Variants in ELL observed in about 807,000 individuals in gnomAD.
The protein encoded by ELL is elongation factor for RNA polymerase II, also known as RNA polymerase II elongation factor ELL.
ELL carries 18 observed loss-of-function variants against 64.0 expected under a neutral mutation model. That is an observed-to-expected ratio of 0.28 (90% CI 0.19 to 0.42). ELL has a LOEUF of 0.42. Among genes scored for constraint, ELL ranks in the 10% least tolerant of loss-of-function variants. The probability of loss-of-function intolerance (pLI) is 1.00; values close to 1 mark genes in which losing one functional copy is unlikely to be tolerated. For missense variants in ELL, 797 were observed against 870.4 expected (o/e 0.92, Z 1.06); for synonymous variants, 399 against 376.2 (o/e 1.06, Z -0.70).
chr19:18,461,942 C>T (rs1043817511), intron 4 of ELL, 90 bp from the exon 5 acceptor site: 28 of 1,498,094 alleles, frequency 1.9e-5, no homozygotes, highest in Non-Finnish European at 2.2e-5. Flanking sequence ...AGGTTTGAGA[C>T]TATAGACAGT....
chr19:18,453,319 T>G (rs1244977860), intron 6 of ELL, among the ~76,000 whole-genome samples: 1 of 152,236 alleles, frequency 6.6e-6, no homozygotes, highest in Non-Finnish European at 1.5e-5. Context: ...TTTCGTGTCC[T>G]TGGAAAAACA....
At chr19:18,503,832 CG>C in intron 1 of ELL, among the ~76,000 whole-genome samples, 1 of 152,242 alleles carries the variant, frequency 6.6e-6, no homozygotes, top group East Asian at 1.9e-4. Context: ...TGAGGGCCCA[CG>C]GGACTGTCAC....
chr19:18,452,223 CCT>C (rs1478330909), intron 6 of ELL, among the ~76,000 whole-genome samples: 2 of 152,158 alleles, frequency 1.3e-5, no homozygotes, highest in African/African-American at 4.8e-5. Context: ...TTATGGGTAT[CCT>C]CTCTGACCCA....
Position 18,449,706 on chromosome 19 carries a change from T to A in ELL, c.1465+771A>T, listed in dbSNP as rs779104231. Reference sequence around the variant, plus strand: ...GCTGGCGCCGAGAGCGAAGTGGCCATCTGCAACTGGCCGCCATCGCCACAT... The same window carrying A: ...GCTGGCGCCGAGAGCGAAGTGGCCAACTGCAACTGGCCGCCATCGCCACAT... On this transcript the variant is annotated intron_variant, in intron 8 of 11. Coordinates refer to ENST00000262809, the MANE Select transcript of ELL (RefSeq NM_006532.4). This position sits in a 1 kb window ranked among gnomAD's most constrained non-coding sequence, Gnocchi z 4.4. 6.6e-6 allele frequency among the ~76,000 whole-genome samples: 1 copy of A among 152,188 alleles called. No homozygotes were observed. Among genetic ancestry groups the A allele is most frequent in the Non-Finnish European group, 1.5e-5 (1 of 68,030 alleles).
intron 10 of ELL, 89 bp from the exon 11 acceptor site, chr19:18,445,357 G>T: frequency 7.8e-7 from 1 of 1,278,984 alleles, no homozygotes; most frequent in Non-Finnish European, 1.1e-6. Flanking sequence ...TCTGAGAAGG[G>T]GGCATGGGAG....
intron 1 of ELL, among the ~76,000 whole-genome samples, chr19:18,502,452 G>A (rs1275296542): frequency 6.6e-6 from 1 of 152,208 alleles, no homozygotes; most frequent in East Asian, 1.9e-4. Context: ...GAACCCAGCA[G>A]TGAGCTCACC....
At chr19:18,444,990 G>C in intron 11 of ELL, 122 bp from the exon 12 acceptor site, 2 of 1,186,988 alleles carry the variant, frequency 1.7e-6, no homozygotes, top group Non-Finnish European at 1.2e-6. Context: ...GGAGGGTTGT[G>C]GTCCAAGGGC....
At chr19:18,485,648 G>A (rs1207484298) in intron 1 of ELL, among the ~76,000 whole-genome samples, 3 of 152,146 alleles carry the variant, frequency 2.0e-5, no homozygotes, top group Non-Finnish European at 4.4e-5. Context: ...GGAGGCAGAG[G>A]GTATCCCTTG....
chr19:18,450,597 T>G lies in ELL; in HGVS notation c.1345A>C (p.Lys449Gln), dbSNP rs1399910243. The part of the protein sequence containing the change: ...PHGSPSRSKP[K>Q]KKSKKHKDKE... Reference sequence around the variant, plus strand: ...TCTTTGTGCTTCTTGGACTTCTTCTTGGGCTTGCTGCGCGAGGGGCTGCCG... The same window carrying G: ...TCTTTGTGCTTCTTGGACTTCTTCTGGGGCTTGCTGCGCGAGGGGCTGCCG... The change falls in exon 8 of 12, where the codon AAG becomes CAG. Residue 449 changes from lysine to glutamine, a missense_variant. By Grantham distance (53) the Lys-to-Gln change is moderately conservative (BLOSUM62 1). Coordinates refer to ENST00000262809, the MANE Select transcript of ELL (RefSeq NM_006532.4). The G allele has an allele frequency of 9.3e-6, 15 of 1,612,130 alleles. No individual in the cohort carries two copies. The highest frequency in any genetic ancestry group is 1.3e-5 in the Non-Finnish European group (15 of 1,179,648).
At chr19:18,447,164 C>T (rs1330524212) in intron 8 of ELL, among the ~76,000 whole-genome samples, 1 of 152,250 alleles carries the variant, frequency 6.6e-6, no homozygotes, top group Admixed American at 6.5e-5. Context: ...CCTGCACAAC[C>T]GGTCAGAGCT....
At chr19:18,488,062 G>A (rs1293675659) in intron 1 of ELL, among the ~76,000 whole-genome samples, 2 of 152,166 alleles carry the variant, frequency 1.3e-5, no homozygotes, top group Non-Finnish European at 2.9e-5. Flanking sequence ...AGTGTGGTAT[G>A]GTGTGGACAT....
chr19:18,507,974 C>A (rs1213705198), intron 1 of ELL, among the ~76,000 whole-genome samples: 3 of 152,186 alleles, frequency 2.0e-5, no homozygotes, highest in Non-Finnish European at 4.4e-5. Context: ...CAAGCCAGCC[C>A]TTCCCATCCA....
At position 18,449,988 on chromosome 19, in the gene ELL, A is replaced by C. The variant is rs1974487554; in HGVS notation, c.1465+489T>G. On this transcript the variant is annotated intron_variant, in intron 8 of 11. Coordinates refer to ENST00000262809, the MANE Select transcript of ELL (RefSeq NM_006532.4). The surrounding 1 kb of genome is among the most constrained non-coding windows in gnomAD (Gnocchi z 4.4). ...TCCACAACAGTCGCACGGTGCCTACAGAGGTCCAGGTGCTATCCCTCTCCC... is the reference window on the plus strand; with the variant it reads ...TCCACAACAGTCGCACGGTGCCTACCGAGGTCCAGGTGCTATCCCTCTCCC... Among the ~76,000 whole-genome samples, 1 of 152,206 alleles carries C rather than the reference A, an allele frequency of 6.6e-6. No homozygotes were observed. The highest frequency in any genetic ancestry group is 6.5e-5 in the Admixed American group (1 of 15,292).
At chr19:18,446,165 C>T (rs1308606843) in intron 10 of ELL, 144 bp downstream of exon 10, 1 of 1,046,162 alleles carries the variant, frequency 9.6e-7, no homozygotes, top group East Asian at 2.7e-5. Context: ...GGGGTTGCTG[C>T]ATGGAGTGCA....
Position 18,446,290 on chromosome 19 carries a change from G to C in ELL, c.1704+19C>G, listed in dbSNP as rs1974412191. 1.3e-6 allele frequency: 2 copies of C among 1,547,796 alleles called. No individual in the cohort carries two copies. Among genetic ancestry groups the C allele is most frequent in the Non-Finnish European group, 1.7e-6 (2 of 1,149,608 alleles). On this transcript the variant is annotated intron_variant, in intron 10 of 11. Transcript: ENST00000262809. Reference sequence around the variant, plus strand: ...CTCCCGCCAGAGCCAGGGCACAGTAGGCAGCGGGGGGGCTCTACCTCATAC... The same window carrying C: ...CTCCCGCCAGAGCCAGGGCACAGTACGCAGCGGGGGGGCTCTACCTCATAC...
intron 1 of ELL, among the ~76,000 whole-genome samples, chr19:18,513,601 T>C (rs1401485607): frequency 1.3e-5 from 2 of 151,122 alleles, no homozygotes; most frequent in Non-Finnish European, 2.9e-5. Context: ...GCTTATATAG[T>C]AAAAAGGAAA....
chr19:18,520,628 T>G (rs1299766119), intron 1 of ELL, among the ~76,000 whole-genome samples: 1 of 151,900 alleles, frequency 6.6e-6, no homozygotes, highest in Non-Finnish European at 1.5e-5. Flanking sequence ...AATTCTCGGC[T>G]TAGCTAATGG....
intron 2 of ELL, among the ~76,000 whole-genome samples, chr19:18,467,128 A>G (rs923925238): frequency 3.3e-5 from 5 of 152,156 alleles, no homozygotes; most frequent in African/African-American, 1.2e-4. Flanking sequence ...CACCCAGCCC[A>G]GTGCCAGTCC....
chr19:18,504,000 C>T (rs752291482), intron 1 of ELL, among the ~76,000 whole-genome samples: 9 of 152,372 alleles, frequency 5.9e-5, no homozygotes, highest in Non-Finnish European at 1.2e-4. Flanking sequence ...ATCCCCCCGC[C>T]TGATCCAAGG....
Sources: allele counts gnomAD v4.1 joint callset (sites outside exome capture counted in the v4.1 genomes callset), GRCh38; gene constraint gnomAD v4.1.1; non-coding constraint Gnocchi (gnomAD v3.1); transcripts MANE v1.5; gene names NCBI Gene and HGNC (gene_info 2026-07-23, HGNC 2026-07-21).